Variants in NTM observed in about 807,000 individuals in gnomAD.
The protein encoded by NTM is neurotrimin.
In NTM, 13 loss-of-function variants were observed where a neutral mutation model predicts 42.1. The ratio of observed to expected loss-of-function variants is 0.31; its 90% CI spans 0.20 to 0.49. The LOEUF (loss-of-function observed/expected upper bound fraction) is 0.49. NTM is among the 20% of genes least tolerant of loss of function. NTM has a pLI of 0.99. For missense variants in NTM, 373 were observed against 452.8 expected (o/e 0.82, Z 1.60); for synonymous variants, 187 against 179.2 (o/e 1.04, Z -0.35).
intron 2 of NTM, among the ~76,000 whole-genome samples, chr11:132,074,449 A>T (rs1208102503): frequency 6.6e-6 from 1 of 152,104 alleles, no homozygotes; most frequent in East Asian, 1.9e-4. Context: ...AAAAAAATGG[A>T]TTCTTCCCTA....
chr11:131,668,479 G>A (rs2069512498), intron 1 of NTM, among the ~76,000 whole-genome samples: 1 of 152,150 alleles, frequency 6.6e-6, no homozygotes, highest in Admixed American at 6.5e-5. Context: ...AGTGGAGAAA[G>A]GACAGCACCC....
intron 1 of NTM, among the ~76,000 whole-genome samples, chr11:131,867,765 T>C (rs975543631): frequency 6.6e-6 from 1 of 152,178 alleles, no homozygotes; most frequent in Non-Finnish European, 1.5e-5. Flanking sequence ...CCTGTGTGTA[T>C]GATGCGGGCA....
intron 1 of NTM, among the ~76,000 whole-genome samples, chr11:131,529,007 A>G (rs954465028): frequency 6.6e-6 from 1 of 152,170 alleles, no homozygotes; most frequent in African/African-American, 2.4e-5. Flanking sequence ...TGCTCAGTAA[A>G]TATATATTGC....
chr11:131,692,076 G>A (rs1234235980), intron 1 of NTM, among the ~76,000 whole-genome samples: 2 of 152,188 alleles, frequency 1.3e-5, no homozygotes, highest in Non-Finnish European at 2.9e-5. Flanking sequence ...AAAAACAGAG[G>A]AAACGGGCAG....
chr11:132,091,820 A>G (rs1281945951), intron 2 of NTM, among the ~76,000 whole-genome samples: 1 of 152,162 alleles, frequency 6.6e-6, no homozygotes, highest in African/African-American at 2.4e-5. Flanking sequence ...TACCATTATC[A>G]GTAAGTTTCC....
At chr11:131,833,358 T>C (rs1476065513) in intron 1 of NTM, among the ~76,000 whole-genome samples, 1 of 152,224 alleles carries the variant, frequency 6.6e-6, no homozygotes, top group African/African-American at 2.4e-5. Context: ...GGAAATGTGC[T>C]ACATGCTTCA....
rs1204585574 is a variant in NTM at position 131,789,481 on chromosome 11, G to GA, written c.83-122081dup. ...AGAAGAAGAAGAAGAAGAAGAAGAAGAAGAAGAAGAGGAAAGAAGAAGAAG... is the reference window on the plus strand; with the variant it reads ...AGAAGAAGAAGAAGAAGAAGAAGAAGAAAGAAGAAGAGGAAAGAAGAAGAAG... On this transcript the variant is annotated intron_variant, in intron 1 of 8. Transcript: ENST00000683400. Among the ~76,000 whole-genome samples, 5 of 10,286 alleles carry GA rather than the reference G, an allele frequency of 4.9e-4. 2 individuals are homozygous for GA. The highest frequency in any genetic ancestry group is 2.7e-3 in the Admixed American group (2 of 734). 6.7% of individuals were successfully genotyped at this position (10,286 alleles called of 152,430 possible). A position where few individuals can be genotyped will look rare whatever the true frequency, so the allele number is the denominator to read the frequency against.
At chr11:131,911,426 C>T (rs2054959786) in intron 1 of NTM, 138 bp from the exon 2 acceptor site, 1 of 1,610,744 alleles carries the variant, frequency 6.2e-7, no homozygotes, top group Admixed American at 1.7e-5. Context: ...CTGTGCTCGC[C>T]CGGGGGGCGT....
intron 4 of NTM, among the ~76,000 whole-genome samples, chr11:132,304,466 C>T (rs2094998764): frequency 6.6e-6 from 1 of 151,738 alleles, no homozygotes; most frequent in Non-Finnish European, 1.5e-5. Flanking sequence ...AGTGATAAAG[C>T]ACTGATCACT....
intron 2 of NTM, among the ~76,000 whole-genome samples, chr11:132,127,395 G>A (rs1435864708): frequency 2.0e-5 from 3 of 152,252 alleles, no homozygotes; most frequent in Non-Finnish European, 4.4e-5. Flanking sequence ...AGCGCATAGA[G>A]AGGGATCTGC....
intron 6 of NTM, chr11:132,312,386 C>CG (rs2095306257): frequency 6.6e-6 from 1 of 152,194 alleles, no homozygotes; most frequent in Admixed American, 6.5e-5. Context: ...ATGTGTTATC[C>CG]AACAAAGGAA....
At chr11:131,652,832 C>G (rs886498240) in intron 1 of NTM, among the ~76,000 whole-genome samples, 3 of 152,324 alleles carry the variant, frequency 2.0e-5, no homozygotes, top group Middle Eastern at 3.4e-3. Flanking sequence ...CACTCCAGAC[C>G]CTCCGATCAG....
At chr11:132,326,878 C>A (rs1324015235) in intron 7 of NTM, among the ~76,000 whole-genome samples, 1 of 152,186 alleles carries the variant, frequency 6.6e-6, no homozygotes, top group South Asian at 2.1e-4. Context: ...ACTTACCTTA[C>A]CTCAGAAATA....
intron 4 of NTM, among the ~76,000 whole-genome samples, chr11:132,271,540 C>A (rs948854910): frequency 2.0e-5 from 3 of 150,968 alleles, no homozygotes; most frequent in Non-Finnish European, 4.4e-5. Context: ...AATATTTCAA[C>A]ATCTACACCA....
At chr11:131,781,745 G>A (rs971132470) in intron 1 of NTM, among the ~76,000 whole-genome samples, 2 of 152,174 alleles carry the variant, frequency 1.3e-5, no homozygotes, top group African/African-American at 4.8e-5. Flanking sequence ...AATGAAGACA[G>A]TGATCCTTGA....
At chr11:132,142,924 C>G (rs545124517) in intron 2 of NTM, among the ~76,000 whole-genome samples, 1 of 152,252 alleles carries the variant, frequency 6.6e-6, no homozygotes, top group African/African-American at 2.4e-5. Context: ...GGACAGTCCT[C>G]TCGTGTTCAT....
At chr11:132,027,291 A>G (rs1261143333) in intron 2 of NTM, among the ~76,000 whole-genome samples, 2 of 152,192 alleles carry the variant, frequency 1.3e-5, no homozygotes, top group Non-Finnish European at 2.9e-5. Context: ...GCTGATCTGA[A>G]TCTCTGATTG....
Position 132,226,492 on chromosome 11 carries a change from G to A in NTM, c.526+14345G>A, listed in dbSNP as rs543972019. On this transcript the variant is annotated intron_variant, in intron 4 of 8. Coordinates refer to ENST00000683400, the MANE Select transcript of NTM (RefSeq NM_001352005.2). ...TGAGGTTTTTTTCATATGTTTATTG[G>A]CTGTATAAATGTCTTCTTTTGAGAA... Among the ~76,000 whole-genome samples the A allele has an allele frequency of 2.0e-5, 3 of 152,244 alleles. No individual in the cohort carries two copies. In the East Asian group the frequency reaches 5.8e-4, roughly 29 times the overall value.
chr11:131,634,182 G>A (rs566999133), intron 1 of NTM, among the ~76,000 whole-genome samples: 34 of 152,164 alleles, frequency 2.2e-4, no homozygotes, highest in Non-Finnish European at 4.3e-4. Context: ...AATATGTTAT[G>A]AGTTGTAGAT....
Sources: allele counts gnomAD v4.1 joint callset (sites outside exome capture counted in the v4.1 genomes callset), GRCh38; gene constraint gnomAD v4.1.1; transcripts MANE v1.5; gene names NCBI Gene and HGNC (gene_info 2026-07-23, HGNC 2026-07-21).